The following PHF21B variants were observed in gnomAD, a reference collection of about 807,000 sequenced individuals.
PHF21B encodes the protein PHD finger protein 4.
PHF21B carries 22 observed loss-of-function variants against 62.2 expected under a neutral mutation model. The observed-to-expected ratio is 0.35, with a 90% confidence interval of 0.25 to 0.51. The LOEUF (loss-of-function observed/expected upper bound fraction) is 0.51, where lower values mean the gene tolerates loss of function less well. Ranked by LOEUF, PHF21B falls within the 20% of genes least tolerant of loss-of-function variation. PHF21B has a pLI of 0.97. For missense variants in PHF21B, 701 were observed against 707.9 expected, an observed-to-expected ratio of 0.99 and a Z score of 0.11; for synonymous variants, 341 against 314.7, an observed-to-expected ratio of 1.08 and a Z score of -0.88.
chr22:45,007,513 G>A (rs1233848504), intron 2 of PHF21B, among the ~76,000 whole-genome samples: 1 of 144,590 alleles, frequency 6.9e-6, no homozygotes, highest in African/African-American at 2.6e-5. Flanking sequence ...GCATTCCGAA[G>A]GAAACGCGAT....
chr22:44,897,235 A>AT (rs555999724), intron 5 of PHF21B, among the ~76,000 whole-genome samples: 20 of 149,628 alleles, frequency 1.3e-4, no homozygotes, highest in Non-Finnish European at 2.7e-4. Context: ...TCACTAGGGC[A>AT]TTTTTTTTTC....
At chr22:44,977,456 T>C (rs2072758505) in intron 2 of PHF21B, among the ~76,000 whole-genome samples, 1 of 152,056 alleles carries the variant, frequency 6.6e-6, no homozygotes, top group African/African-American at 2.4e-5. Context: ...GCCCAGCTAC[T>C]TGGGAGGCTG....
chr22:44,962,348 C>G (rs1045156217), intron 2 of PHF21B, among the ~76,000 whole-genome samples: 1 of 152,164 alleles, frequency 6.6e-6, no homozygotes, highest in Non-Finnish European at 1.5e-5. Flanking sequence ...TTGAAAATAT[C>G]CTAAGTTGAA....
Position 44,913,885 on chromosome 22 carries a change from A to T in PHF21B, c.768T>A (p.Ser256=). 6.2e-7 allele frequency: 1 copy of T among 1,613,212 alleles called. No individual in the cohort carries two copies. Among genetic ancestry groups the T allele is most frequent in the Non-Finnish European group, 8.5e-7 (1 of 1,179,910 alleles). Reference sequence around the variant, plus strand: ...TCTTTTTGGTGGCCTGAGCTCCCTGAGATGGCTCCTCTGTGGGCGGCCGCG... The same window carrying T: ...TCTTTTTGGTGGCCTGAGCTCCCTGTGATGGCTCCTCTGTGGGCGGCCGCG... ...AESRPPTEEP[S]QGAQATKKKK... The change falls in exon 5 of 13, where the codon TCT becomes TCA. Residue 256 remains serine (S), a synonymous_variant. Coordinates refer to ENST00000313237, the MANE Select transcript of PHF21B (RefSeq NM_138415.5).
chr22:45,009,704 G>T lies in PHF21B; in HGVS notation c.-155C>A. ...CCTCCCCCACGGCCGAAAGGGAAGG[G>T]GGCTGGCGAAGGGGAAGACAGGCTT... On this transcript the variant is annotated 5_prime_UTR_variant, in exon 1 of 13. Coordinates refer to ENST00000313237, the MANE Select transcript of PHF21B (RefSeq NM_138415.5). The surrounding 1 kb of genome is among the most constrained non-coding windows in gnomAD (Gnocchi z 5.9). The T allele has an allele frequency of 1.5e-6, 1 of 659,562 alleles. No individual in the cohort carries two copies. Among genetic ancestry groups the T allele is most frequent in the South Asian group, 2.5e-5 (1 of 40,712 alleles). The allele number at this position is 659,562 out of a possible 1,614,324, so 40.9% of individuals were successfully genotyped here.
Position 44,901,786 on chromosome 22 carries a change from G to A in PHF21B, c.832-5703C>T, listed in dbSNP as rs568840946. ...CATATTCCAGAAAGGCCGTGTACAA[G>A]AGGAAGTACTCAGCTGCTAAATCCA... On this transcript the variant is annotated intron_variant, in intron 5 of 12. Coordinates refer to ENST00000313237, the MANE Select transcript of PHF21B (RefSeq NM_138415.5). The A allele has an allele frequency of 3.0e-4, 90 of 303,524 alleles. No homozygotes were observed. In the South Asian group the frequency reaches 5.3e-3, roughly 18 times the overall value. 18.8% of individuals were successfully genotyped at this position (303,524 alleles called of 1,614,324 possible). A position where few individuals can be genotyped will look rare whatever the true frequency, so the allele number is the denominator to read the frequency against.
At chr22:44,896,444 CA>C (rs2071058659) in intron 5 of PHF21B, among the ~76,000 whole-genome samples, 1 of 152,074 alleles carries the variant, frequency 6.6e-6, no homozygotes, top group African/African-American at 2.4e-5. Context: ...ATAGGATTCC[CA>C]AAGAAAGCAT....
intron 2 of PHF21B, among the ~76,000 whole-genome samples, chr22:45,005,698 A>G (rs1278540044): frequency 1.3e-5 from 2 of 152,128 alleles, no homozygotes; most frequent in East Asian, 3.9e-4. Context: ...TCATTTTACT[A>G]TCTAGTTCAT....
chr22:44,898,593 A>G (rs1342387517), intron 5 of PHF21B, among the ~76,000 whole-genome samples: 1 of 152,190 alleles, frequency 6.6e-6, no homozygotes, highest in African/African-American at 2.4e-5. Flanking sequence ...TTTTTTTAAA[A>G]AGAGTATCGA....
chr22:44,977,769 T>C (rs1446700403), intron 2 of PHF21B, among the ~76,000 whole-genome samples: 32 of 141,170 alleles, frequency 2.3e-4, no homozygotes, highest in Admixed American at 1.8e-3. Context: ...TTTTTTTTTG[T>C]AGAGATGGAG....
At chr22:44,916,682 A>G in intron 3 of PHF21B, 52 bp from the exon 4 acceptor site, 1 of 1,542,924 alleles carries the variant, frequency 6.5e-7, no homozygotes, top group Non-Finnish European at 8.9e-7. Flanking sequence ...ACAGGAGTGC[A>G]GGGGAGGGGC....
At chr22:44,939,982 G>A (rs954998936) in intron 2 of PHF21B, among the ~76,000 whole-genome samples, 2 of 152,138 alleles carry the variant, frequency 1.3e-5, no homozygotes, top group African/African-American at 4.8e-5. Context: ...AGAGTTAGGT[G>A]GTGGGGACAA....
intron 2 of PHF21B, among the ~76,000 whole-genome samples, chr22:44,994,194 A>C (rs1171087581): frequency 6.6e-6 from 1 of 152,328 alleles, no homozygotes; most frequent in East Asian, 1.9e-4. Context: ...GTGTCCCCCT[A>C]AATTTCAGAT....
At chr22:44,900,564 G>T (rs2071140116) in intron 5 of PHF21B, among the ~76,000 whole-genome samples, 1 of 152,204 alleles carries the variant, frequency 6.6e-6, no homozygotes, top group African/African-American at 2.4e-5. Flanking sequence ...GCCTCCTAAA[G>T]TGCTGAGATT....
intron 2 of PHF21B, among the ~76,000 whole-genome samples, chr22:44,954,085 C>T (rs964740430): frequency 5.3e-5 from 8 of 152,196 alleles, no homozygotes; most frequent in African/African-American, 1.9e-4. Context: ...CTGAGAGGAT[C>T]CAGGTTTACG....
At chr22:44,911,764 C>A (rs2071347407) in intron 5 of PHF21B, among the ~76,000 whole-genome samples, 2 of 152,174 alleles carry the variant, frequency 1.3e-5, no homozygotes, top group African/African-American at 2.4e-5. Context: ...CAGTTGGAGC[C>A]CCTACACGGA....
intron 2 of PHF21B, among the ~76,000 whole-genome samples, chr22:44,950,414 C>T (rs111649048): frequency 6.6e-6 from 1 of 152,016 alleles, no homozygotes; most frequent in Non-Finnish European, 1.5e-5. Context: ...CAAAAGTTCA[C>T]GACAGATGTC....
At chr22:44,993,036 C>T (rs2073066113) in intron 2 of PHF21B, among the ~76,000 whole-genome samples, 1 of 152,198 alleles carries the variant, frequency 6.6e-6, no homozygotes, top group African/African-American at 2.4e-5. Flanking sequence ...AGAAGGGACA[C>T]CTCCACTCTG....
At chr22:44,955,508 G>A (rs75292043) in intron 2 of PHF21B, among the ~76,000 whole-genome samples, 6,078 of 152,242 alleles carry the variant, frequency 0.04, 395 homozygotes, top group African/African-American at 0.14. Flanking sequence ...GAGAATCCGC[G>A]CCACCAATTC....
Sources: gnomAD v4.1 joint callset for allele counts (sites outside exome capture counted in the v4.1 genomes callset) on GRCh38, gnomAD v4.1.1 for gene constraint, Gnocchi (gnomAD v3.1) non-coding constraint, MANE v1.5 for transcripts, NCBI Gene and HGNC (gene_info 2026-07-23, HGNC 2026-07-21) for gene names.